The following PRKDC variants were observed in gnomAD, a reference collection of about 807,000 sequenced individuals.
The protein encoded by PRKDC is DNA-dependent protein kinase catalytic subunit.
A neutral mutation model predicts 486.9 loss-of-function variants in PRKDC; 82 were observed. The observed-to-expected ratio is 0.17, with a 90% CI of 0.14 to 0.20. The LOEUF is 0.20. PRKDC is among the 10% of genes least tolerant of loss of function. The pLI, the probability that PRKDC is intolerant of heterozygous loss-of-function variation, is 1.00. For synonymous variants in PRKDC, 1,895 were observed against 1,837.0 expected (o/e 1.03, Z -0.81); for missense variants, 4,504 against 5,038.2 (o/e 0.89, Z 3.21).
Position 47,823,988 on chromosome 8 carries a change from C to G in PRKDC, c.8792G>C (p.Arg2931Thr), listed in dbSNP as rs2154499126. Residue 2931 changes from arginine (R) to threonine (T), a missense_variant, in exon 64 of 86, where the codon AGA (arginine) becomes ACA (threonine). Around this residue, in one of 6 missense-constraint regions of PRKDC, gnomAD observed 1,592 missense variants for 1,724.6 expected, o/e 0.92. Coordinates refer to ENST00000314191, the MANE Select transcript of PRKDC (RefSeq NM_006904.7). Reference sequence around the variant, plus strand: ...GAGGACGTCGTATTCTCCAATTGATCTATACAGCCTACAAAACAAATCAAA... The same window carrying G: ...GAGGACGTCGTATTCTCCAATTGATGTATACAGCCTACAAAACAAATCAAA... ...LRWVELAKLY[R>T]SIGEYDVLRG... 2 of 1,601,622 alleles carry G rather than the reference C, an allele frequency of 1.2e-6. No homozygotes were observed. The highest frequency in any genetic ancestry group is 1.3e-5 in the African/African-American group (1 of 74,744).
At chr8:47,807,436 TGA>T (rs2087237781) in intron 68 of PRKDC, 110 bp from the exon 69 acceptor site, 1 of 950,856 alleles carries the variant, frequency 1.1e-6, no homozygotes, top group Non-Finnish European at 1.5e-6. Flanking sequence ...CTTTTTTTTT[TGA>T]GATGGAGTCT....
intron 17 of PRKDC, among the ~76,000 whole-genome samples, 171 bp downstream of exon 17, chr8:47,930,501 T>C (rs1385360145): frequency 6.6e-6 from 1 of 152,204 alleles, no homozygotes; most frequent in African/African-American, 2.4e-5. Flanking sequence ...CTTGATCTCC[T>C]GACCTCGTGA....
At chr8:47,927,145 C>A in intron 21 of PRKDC, 49 bp downstream of exon 21, 1 of 1,560,372 alleles carries the variant, frequency 6.4e-7, no homozygotes, top group South Asian at 1.1e-5. Flanking sequence ...TATAGTTACT[C>A]CATTTCCATT....
In PRKDC at chr8:47,862,092, C is replaced by T. The variant is rs767520265; in HGVS notation, c.5955G>A (p.Lys1985=). ...LLIFENLIDL[K]RRYNFPVEVE... ...CTTCTACAGGAAAATTATAGCGGCG[C>T]TTCAGGTCGATCAGATTTTCAAAAA... The change falls in exon 44 of 86, where the codon AAG becomes AAA. Residue 1985 remains lysine (K), a synonymous_variant. Coordinates refer to ENST00000314191, the MANE Select transcript of PRKDC (RefSeq NM_006904.7). 1.9e-6 allele frequency: 3 copies of T among 1,552,962 alleles called. No homozygotes were observed. The highest frequency in any genetic ancestry group is 1.4e-5 in the African/African-American group (1 of 73,262).
intron 77 of PRKDC, 90 bp downstream of exon 77, chr8:47,785,023 C>T (rs1554624503): frequency 2.5e-6 from 3 of 1,212,654 alleles, no homozygotes; most frequent in Non-Finnish European, 3.6e-6. Flanking sequence ...CTGTCAATAT[C>T]CCAGTATCAC....
intron 5 of PRKDC, 51 bp from the exon 6 acceptor site, chr8:47,953,970 G>C: frequency 9.4e-7 from 1 of 1,065,318 alleles, no homozygotes; most frequent in Non-Finnish European, 1.3e-6. Context: ...ATTTAAATAA[G>C]TTAAACTAAC....
At chr8:47,902,542 C>T in intron 27 of PRKDC, 27 bp downstream of exon 27, 1 of 1,433,936 alleles carries the variant, frequency 7.0e-7, no homozygotes, top group Non-Finnish European at 9.2e-7. Flanking sequence ...CCACAAGTTT[C>T]TCTTCTCTGT....
rs757730877 is a variant in PRKDC at position 47,854,078 on chromosome 8, C to T, written c.6893+5G>A. 6.2e-7 allele frequency: 1 copy of T among 1,613,674 alleles called. No homozygotes were observed. Among genetic ancestry groups the T allele is most frequent in the Non-Finnish European group, 8.5e-7 (1 of 1,179,746 alleles). ...GACCTAAAAAATAATCAAGCAAACA[C>T]GTACTCGCTACTCTGGATGCCACAC... is the stretch of plus-strand genomic sequence containing the variant. On this transcript the variant is annotated splice_donor_5th_base_variant and intron_variant, in intron 51 of 85. Transcript: ENST00000314191.
At position 47,901,339 on chromosome 8, in the gene PRKDC, T is replaced by A. The variant is rs185718811; in HGVS notation, c.3270-872A>T. On this transcript the variant is annotated intron_variant, in intron 27 of 85. Coordinates refer to ENST00000314191, the MANE Select transcript of PRKDC (RefSeq NM_006904.7). ...AAACACAAAAATTAGCCATGCGTAG[T>A]GGCGGGCGCCTGTAATCCCACCTAC... 6.6e-5 allele frequency among the ~76,000 whole-genome samples: 10 copies of A among 151,922 alleles called. No individual in the cohort carries two copies. In the East Asian group the frequency reaches 1.2e-3, roughly 18 times the overall value.
chr8:47,830,402 C>T (rs745895847), intron 61 of PRKDC, among the ~76,000 whole-genome samples: 1 of 152,182 alleles, frequency 6.6e-6, no homozygotes, highest in African/African-American at 2.4e-5. Flanking sequence ...AGAGTCTCCG[C>T]ATGTGTAAAG....
At position 47,782,681 on chromosome 8, in the gene PRKDC, T is replaced by A; in HGVS notation, c.11176-83A>T. The A allele has an allele frequency of 6.9e-7, 1 of 1,445,988 alleles. No individual in the cohort carries two copies. Among genetic ancestry groups the A allele is most frequent in the South Asian group, 1.3e-5 (1 of 78,186 alleles). The allele number at this position is 1,445,988 out of a possible 1,614,324, so 89.6% of individuals were successfully genotyped here. ...GGAAAAGCCAGAGTGGCTGTGAGCA[T>A]TCCTCCGTGGGGCCGCCCTCTGAAG... On this transcript the variant is annotated intron_variant, in intron 78 of 85. Transcript: ENST00000314191. This position sits in a 1 kb window ranked among gnomAD's most constrained non-coding sequence, Gnocchi z 4.9.
intron 73 of PRKDC, among the ~76,000 whole-genome samples, chr8:47,794,733 T>A (rs1275636747): frequency 6.6e-6 from 1 of 152,228 alleles, no homozygotes; most frequent in Non-Finnish European, 1.5e-5. Flanking sequence ...AGACAGCTGC[T>A]GCTGGTTGTT....
rs1396413116 is a variant in PRKDC, at chr8:47,889,144, A to T, written c.4150T>A (p.Phe1384Ile). ...ATAACCTGGACGTCTCCGATGTTGAAACCTATGCTTGCGGGCTCACACAGC... is the reference window on the plus strand; with the variant it reads ...ATAACCTGGACGTCTCCGATGTTGATACCTATGCTTGCGGGCTCACACAGC... ...QTLCEPASIGFNIGDVQVMAH... is the reference protein window; with the variant it reads ...QTLCEPASIGINIGDVQVMAH... Residue 1384 changes from phenylalanine to isoleucine, a missense_variant, in exon 33 of 86, where the codon TTC (phenylalanine) becomes ATC (isoleucine). Physicochemically the swap from Phe to Ile is conservative, Grantham distance 21. Coordinates refer to ENST00000314191, the MANE Select transcript of PRKDC (RefSeq NM_006904.7). 6.2e-7 allele frequency: 1 copy of T among 1,613,888 alleles called. No individual in the cohort carries two copies. Among genetic ancestry groups the T allele is most frequent in the Non-Finnish European group, 8.5e-7 (1 of 1,179,900 alleles).
At chr8:47,827,118 T>TCACACACACA (rs61385951) in intron 62 of PRKDC, among the ~76,000 whole-genome samples, 47 of 128,238 alleles carry the variant, frequency 3.7e-4, no homozygotes, top group Non-Finnish European at 6.6e-4. Flanking sequence ...AATATGAAGA[T>TCACACACACA]CACACACACA....
At chr8:47,858,374 G>A in intron 48 of PRKDC, 142 bp downstream of exon 48, 1 of 749,884 alleles carries the variant, frequency 1.3e-6, no homozygotes, top group Non-Finnish European at 2.0e-6. Context: ...GAACAAAAAT[G>A]TCATGCTCTG....
chr8:47,889,239 G>A lies in PRKDC; in HGVS notation c.4072-17C>T. On this transcript the variant is annotated splice_polypyrimidine_tract_variant and intron_variant, in intron 32 of 85. Coordinates refer to ENST00000314191, the MANE Select transcript of PRKDC (RefSeq NM_006904.7). ...CTTCAGGAGCTGTAACAGATTGTTTGATAAAAACACTTCGTCAGCCAGCAC... is the reference window on the plus strand; with the variant it reads ...CTTCAGGAGCTGTAACAGATTGTTTAATAAAAACACTTCGTCAGCCAGCAC... 6.4e-7 allele frequency: 1 copy of A among 1,572,520 alleles called. No individual in the cohort carries two copies.
At chr8:47,794,773 C>T (rs966229186) in intron 73 of PRKDC, among the ~76,000 whole-genome samples, 1 of 152,234 alleles carries the variant, frequency 6.6e-6, no homozygotes, top group Admixed American at 6.5e-5. Flanking sequence ...AAATCTTCTA[C>T]TTCATTCCTC....
chr8:47,943,732 T>G, intron 9 of PRKDC, 121 bp downstream of exon 9: 1 of 892,408 alleles, frequency 1.1e-6, no homozygotes. Flanking sequence ...TGTAAATAAC[T>G]GTGTGTGAAA....
chr8:47,795,291 G>A (rs920377162), intron 73 of PRKDC, among the ~76,000 whole-genome samples: 8 of 149,546 alleles, frequency 5.3e-5, no homozygotes, highest in African/African-American at 1.7e-4. Context: ...CCAGGTTTAC[G>A]CCATTCTCCT....
Sources: allele counts gnomAD v4.1 joint callset (sites outside exome capture counted in the v4.1 genomes callset), GRCh38; gene constraint gnomAD v4.1.1; regional missense constraint gnomAD v4.1.1; non-coding constraint Gnocchi (gnomAD v3.1); transcripts MANE v1.5; gene names NCBI Gene and HGNC (gene_info 2026-07-23, HGNC 2026-07-21).